KYNU: variants seen among roughly 807,000 people sequenced by gnomAD.
KYNU encodes L-kynurenine hydrolase.
A neutral mutation model predicts 59.2 loss-of-function variants in KYNU; 54 were observed. That is an observed-to-expected ratio of 0.91 (90% confidence interval 0.73 to 1.14). KYNU has a LOEUF of 1.14. KYNU is among the 50% of genes most tolerant of loss of function. The pLI is 0.00. For synonymous variants in KYNU, 177 were observed against 192.0 expected, an observed-to-expected ratio of 0.92 and a Z score of 0.65; for missense variants, 567 against 554.4, an observed-to-expected ratio of 1.02 and a Z score of -0.23.
intron 4 of KYNU, among the ~76,000 whole-genome samples, chr2:142,954,218 T>A (rs865817613): frequency 2.6e-5 from 4 of 152,116 alleles, no homozygotes; most frequent in Admixed American, 6.6e-5. Context: ...CTTTTGCATA[T>A]TTTCTCATCA....
chr2:142,912,384 T>TC, intron 2 of KYNU, among the ~76,000 whole-genome samples: 1 of 134,638 alleles, frequency 7.4e-6, no homozygotes, highest in East Asian at 2.1e-4. Context: ...TTTTTTTTTT[T>TC]TTTTTTTTTT....
At chr2:142,898,811 C>T (rs1204668585) in intron 2 of KYNU, among the ~76,000 whole-genome samples, 3 of 152,110 alleles carry the variant, frequency 2.0e-5, no homozygotes, top group South Asian at 2.1e-4. Flanking sequence ...TTGGGCCATG[C>T]GGTGAGTGTT....
intron 10 of KYNU, among the ~76,000 whole-genome samples, chr2:142,991,793 G>T (rs1685405306): frequency 6.6e-6 from 1 of 151,762 alleles, no homozygotes; most frequent in Non-Finnish European, 1.5e-5. Context: ...ATATACAACT[G>T]GTGTAGAAGA....
chr2:143,010,769 C>T (rs1245320365), intron 10 of KYNU, among the ~76,000 whole-genome samples: 1 of 146,938 alleles, frequency 6.8e-6, no homozygotes, highest in African/African-American at 2.5e-5. Flanking sequence ...ATACCTACAA[C>T]TATCTGATCT....
chr2:142,974,410 T>C (rs1684827123), intron 8 of KYNU, among the ~76,000 whole-genome samples: 1 of 152,228 alleles, frequency 6.6e-6, no homozygotes, highest in Non-Finnish European at 1.5e-5. Flanking sequence ...TCTGTAGCTA[T>C]CTGCTTAAGA....
In KYNU at chr2:142,918,697, T is replaced by C. The variant is rs1682762928; in HGVS notation, c.258T>C (p.Tyr86=). Residue 86 remains tyrosine (Y), a synonymous_variant, in exon 3 of 14, where the codon TAT becomes TAC. Transcript: ENST00000264170. The stretch of plus-strand genomic sequence containing the variant: ...TTCAACCAAAAATGGTTAAAACATA[T>C]CTTGAAGAAGAACTAGATAAGTGGG... The part of the protein sequence containing the change: ...LGLQPKMVKT[Y]LEEELDKWAK... 1 of 1,612,476 alleles carries C rather than the reference T, an allele frequency of 6.2e-7. No homozygotes were observed. Among genetic ancestry groups the C allele is most frequent in the Non-Finnish European group, 8.5e-7 (1 of 1,179,190 alleles).
chr2:142,892,230 A>G (rs567904415), intron 2 of KYNU, among the ~76,000 whole-genome samples: 3 of 152,354 alleles, frequency 2.0e-5, no homozygotes, highest in African/African-American at 4.8e-5. Context: ...GGAGCCTTTC[A>G]TGTTACTTAA....
chr2:143,023,001 G>A (rs1686451214), intron 10 of KYNU, among the ~76,000 whole-genome samples: 1 of 151,652 alleles, frequency 6.6e-6, no homozygotes, highest in East Asian at 1.9e-4. Flanking sequence ...ATTGCATACC[G>A]CTGCTTTATT....
chr2:142,878,499 C>T (rs181413873), intron 1 of KYNU, among the ~76,000 whole-genome samples: 167 of 152,218 alleles, frequency 1.1e-3, no homozygotes, highest in Non-Finnish European at 6.8e-4. Context: ...AAAAACTACA[C>T]GCTTTCTCAA....
intron 3 of KYNU, among the ~76,000 whole-genome samples, chr2:142,926,894 C>T (rs1683062463): frequency 1.3e-5 from 2 of 152,230 alleles, no homozygotes; most frequent in South Asian, 4.1e-4. Flanking sequence ...ACAGAACTAT[C>T]ACATTCAGGG....
Position 143,047,097 on chromosome 2 carries a change from C to T in KYNU, c.*4925C>T, listed in dbSNP as rs1214630493. The T allele has an allele frequency of 6.6e-6, 1 of 152,088 alleles. No individual in the cohort carries two copies. The highest frequency in any genetic ancestry group is 1.9e-4 in the East Asian group (1 of 5,194). The allele number at this position is 152,088 out of a possible 1,614,324, so 9.4% of individuals were successfully genotyped here. A position where few individuals can be genotyped will look rare whatever the true frequency, so the allele number is the denominator to read the frequency against. On this transcript the variant is annotated 3_prime_UTR_variant, in exon 14 of 14. Transcript: ENST00000264170. Reference sequence around the variant, plus strand: ...TGTTGTTTTAAAAGACAGGGTCTCCCTCTGTCACCCAGGCTGGAGTGTACT... The same window carrying T: ...TGTTGTTTTAAAAGACAGGGTCTCCTTCTGTCACCCAGGCTGGAGTGTACT...
At chr2:142,906,437 G>A (rs947072689) in intron 2 of KYNU, among the ~76,000 whole-genome samples, 1 of 152,138 alleles carries the variant, frequency 6.6e-6, no homozygotes, top group Non-Finnish European at 1.5e-5. Context: ...CAAACTCAGG[G>A]CCTGGCAAGA....
At chr2:142,897,667 A>T (rs542470319) in intron 2 of KYNU, among the ~76,000 whole-genome samples, 4 of 152,308 alleles carry the variant, frequency 2.6e-5, no homozygotes, top group African/African-American at 9.6e-5. Flanking sequence ...ATCTTTAGGG[A>T]TGTGCTTTTC....
chr2:142,984,671 A>G (rs905572608), intron 8 of KYNU, among the ~76,000 whole-genome samples: 3 of 152,054 alleles, frequency 2.0e-5, no homozygotes, highest in Non-Finnish European at 4.4e-5. Flanking sequence ...AGATTTAATG[A>G]AAATTGATCA....
At chr2:142,967,062 A>G (rs763776656) in intron 8 of KYNU, among the ~76,000 whole-genome samples, 3 of 152,060 alleles carry the variant, frequency 2.0e-5, no homozygotes, top group Non-Finnish European at 4.4e-5. Context: ...AAGAGATGGA[A>G]CTTACAAAAA....
intron 3 of KYNU, among the ~76,000 whole-genome samples, chr2:142,919,295 T>C (rs1489650876): frequency 6.6e-6 from 1 of 152,256 alleles, no homozygotes; most frequent in African/African-American, 2.4e-5. Flanking sequence ...TAAGTTCCTC[T>C]CATGTGTTGA....
intron 8 of KYNU, among the ~76,000 whole-genome samples, chr2:142,972,815 G>T (rs28379752): frequency 0.12 from 13,883 of 114,680 alleles, 566 homozygotes; most frequent in Admixed American, 0.17. Flanking sequence ...TATATATATA[G>T]AGAGAGAGAG....
intron 10 of KYNU, among the ~76,000 whole-genome samples, chr2:143,012,786 C>T (rs1686147049): frequency 6.6e-6 from 1 of 152,108 alleles, no homozygotes; most frequent in Non-Finnish European, 1.5e-5. Flanking sequence ...TCATGCTGTA[C>T]ATTGGAGTTC....
chr2:142,990,606 A>G (rs1302310524), intron 10 of KYNU, among the ~76,000 whole-genome samples: 1 of 151,852 alleles, frequency 6.6e-6, no homozygotes, highest in Non-Finnish European at 1.5e-5. Context: ...GTGAAATCAT[A>G]CATACTGAAA....
Sources: gnomAD v4.1 joint callset for allele counts (sites outside exome capture counted in the v4.1 genomes callset) on GRCh38, gnomAD v4.1.1 for gene constraint, MANE v1.5 for transcripts, NCBI Gene and HGNC (gene_info 2026-07-23, HGNC 2026-07-21) for gene names.